PLS1: variants seen among roughly 807,000 people sequenced by gnomAD.
PLS1 encodes the protein plastin-1.
PLS1 carries 32 observed loss-of-function variants against 73.7 expected under a neutral mutation model. That is an observed-to-expected ratio of 0.43 (90% CI 0.33 to 0.58). The LOEUF (loss-of-function observed/expected upper bound fraction) is 0.58. PLS1 is among the 20% of genes least tolerant of loss of function. The probability of loss-of-function intolerance (pLI) is 0.04; values close to 1 mark genes in which losing one functional copy is unlikely to be tolerated. For synonymous variants in PLS1, 217 were observed against 261.3 expected (o/e 0.83, Z 1.63); for missense variants, 633 against 740.5 (o/e 0.85, Z 1.68).
intron 1 of PLS1, among the ~76,000 whole-genome samples, chr3:142,616,254 A>G (rs2036214474): frequency 6.6e-6 from 1 of 152,216 alleles, no homozygotes; most frequent in Non-Finnish European, 1.5e-5. Flanking sequence ...TGCAAGAGCA[A>G]ACATGAAGAC....
At chr3:142,659,851 C>T (rs1329279304) in intron 1 of PLS1, among the ~76,000 whole-genome samples, 1 of 152,018 alleles carries the variant, frequency 6.6e-6, no homozygotes, top group East Asian at 1.9e-4. Flanking sequence ...TGTGTGCCAC[C>T]ACGCCTGGCT....
intron 1 of PLS1, among the ~76,000 whole-genome samples, chr3:142,639,951 T>C (rs956164887): frequency 6.6e-6 from 1 of 152,224 alleles, no homozygotes; most frequent in African/African-American, 2.4e-5. Context: ...TTACTAGTTC[T>C]ACATGTATTT....
At chr3:142,620,122 CT>C (rs879749321) in intron 1 of PLS1, among the ~76,000 whole-genome samples, 2,406 of 143,802 alleles carry the variant, frequency 0.017, 52 homozygotes, top group African/African-American at 0.05. Flanking sequence ...GAGAAGTAGA[CT>C]TTTTTTTTTT....
intron 1 of PLS1, 189 bp from the exon 2 acceptor site, chr3:142,664,013 G>A (rs2037426487): frequency 3.3e-6 from 1 of 300,894 alleles, no homozygotes; most frequent in Admixed American, 4.9e-5. Context: ...TCCCCTTACT[G>A]AGTCTCAGTT....
chr3:142,607,466 G>A (rs893788883), intron 1 of PLS1, among the ~76,000 whole-genome samples: 2 of 152,076 alleles, frequency 1.3e-5, no homozygotes, highest in East Asian at 1.9e-4. Context: ...TAGTAGAGAC[G>A]GGTTTCACCA....
intron 1 of PLS1, among the ~76,000 whole-genome samples, chr3:142,646,454 A>G (rs998093862): frequency 6.6e-6 from 1 of 152,262 alleles, no homozygotes; most frequent in African/African-American, 2.4e-5. Flanking sequence ...TTAAAACTTC[A>G]TCTTTGCTTC....
intron 1 of PLS1, among the ~76,000 whole-genome samples, chr3:142,630,376 G>A (rs1322007483): frequency 3.5e-5 from 5 of 143,092 alleles, no homozygotes; most frequent in East Asian, 4.3e-4. Flanking sequence ...AGCTGAGATT[G>A]CACCAGTGCA....
chr3:142,673,086 C>G (rs1177948028), intron 4 of PLS1, among the ~76,000 whole-genome samples: 1 of 152,192 alleles, frequency 6.6e-6, no homozygotes, highest in East Asian at 1.9e-4. Flanking sequence ...CATGTTGTCA[C>G]ATATATCATA....
chr3:142,633,735 TA>T (rs1205402735), intron 1 of PLS1, among the ~76,000 whole-genome samples: 1 of 152,078 alleles, frequency 6.6e-6, no homozygotes, highest in Admixed American at 6.5e-5. Flanking sequence ...TTTACCACAA[TA>T]AAAAAAGTTA....
chr3:142,634,409 T>C (rs960392650), intron 1 of PLS1, among the ~76,000 whole-genome samples: 4 of 152,162 alleles, frequency 2.6e-5, no homozygotes, highest in African/African-American at 9.7e-5. Context: ...GATAAAATTC[T>C]AAAAGAACCC....
At chr3:142,606,812 G>T (rs1476112737) in intron 1 of PLS1, among the ~76,000 whole-genome samples, 1 of 152,092 alleles carries the variant, frequency 6.6e-6, no homozygotes, top group Non-Finnish European at 1.5e-5. Flanking sequence ...GCCATTGTGT[G>T]GACATATCAC....
At position 142,689,704 on chromosome 3, in the gene PLS1, G is replaced by A. The variant is rs2038048613; in HGVS notation, c.1068G>A (p.Val356=). 3.1e-6 allele frequency: 5 copies of A among 1,610,982 alleles called. No homozygotes were observed. The highest frequency in any genetic ancestry group is 3.3e-4 in the Middle Eastern group (2 of 6,052). The part of the protein sequence containing the change: ...GCKQFVTPAD[V]VSGNPKLNLA... ...AACAGTTTGTTACTCCTGCAGATGT[G>A]GTTTCAGGCAATCCTAAACTTAATT... The change falls in exon 10 of 16, where the codon GTG becomes GTA. Residue 356 remains valine (V), a synonymous_variant. Coordinates refer to ENST00000457734, the MANE Select transcript of PLS1 (RefSeq NM_001145319.2).
intron 1 of PLS1, among the ~76,000 whole-genome samples, chr3:142,600,235 G>T (rs1008677612): frequency 2.6e-5 from 4 of 152,198 alleles, no homozygotes; most frequent in African/African-American, 4.8e-5. Flanking sequence ...AGGAGGGAGT[G>T]AGGCTGGGGT....
At chr3:142,675,764 C>G (rs1438231056) in intron 4 of PLS1, among the ~76,000 whole-genome samples, 1 of 151,846 alleles carries the variant, frequency 6.6e-6, no homozygotes, top group Non-Finnish European at 1.5e-5. Flanking sequence ...CAACCTCCAC[C>G]CCCCGGTTCA....
intron 12 of PLS1, among the ~76,000 whole-genome samples, chr3:142,702,507 G>A (rs1044734699): frequency 6.6e-6 from 1 of 152,034 alleles, no homozygotes; most frequent in Non-Finnish European, 1.5e-5. Flanking sequence ...TAACTAACTC[G>A]TGGAAGAAAA....
intron 1 of PLS1, among the ~76,000 whole-genome samples, chr3:142,636,300 G>A (rs2036689426): frequency 6.6e-6 from 1 of 152,204 alleles, no homozygotes; most frequent in South Asian, 2.1e-4. Flanking sequence ...CACACATATG[G>A]ACAACTGAAT....
chr3:142,649,545 G>A (rs1300264432), intron 1 of PLS1, among the ~76,000 whole-genome samples: 1 of 151,936 alleles, frequency 6.6e-6, no homozygotes, highest in African/African-American at 2.4e-5. Flanking sequence ...GGCTGTGGCA[G>A]GAGAATTGCT....
At chr3:142,602,934 G>A (rs1236463397) in intron 1 of PLS1, among the ~76,000 whole-genome samples, 10 of 152,226 alleles carry the variant, frequency 6.6e-5, no homozygotes, top group Admixed American at 3.3e-4. Context: ...TGACTCGCCC[G>A]CCTCAGCCTC....
At position 142,671,014 on chromosome 3, in the gene PLS1, A is replaced by G. The variant is rs543127283; in HGVS notation, c.256A>G (p.Lys86Glu). Reference protein sequence around the residue: ...FVSLMQELKSKDISKTFRKII... With the variant: ...FVSLMQELKSEDISKTFRKII... ...CCAGCTAATGCAAGAATTAAAAAGC[A>G]AAGATATCAGCAAAACATTCCGAAA... Residue 86 changes from lysine (K) to glutamate (E), a missense_variant, in exon 4 of 16, where the codon AAA becomes GAA. Transcript: ENST00000457734. The G allele has an allele frequency of 4.4e-6, 7 of 1,600,234 alleles. No individual in the cohort carries two copies. In the Admixed American group the frequency reaches 1.2e-4, roughly 27 times the overall value.
Sources: gnomAD v4.1 joint callset for allele counts (sites outside exome capture counted in the v4.1 genomes callset) on GRCh38, gnomAD v4.1.1 for gene constraint, MANE v1.5 for transcripts, NCBI Gene and HGNC (gene_info 2026-07-23, HGNC 2026-07-21) for gene names.